Variants in ADGRL4 observed in about 807,000 individuals in gnomAD.
ADGRL4 encodes adhesion G protein-coupled receptor L4.
In ADGRL4, 90 loss-of-function variants were observed where a neutral mutation model predicts 74.8. That is an observed-to-expected ratio of 1.20 (90% CI 1.02 to 1.43). The LOEUF is 1.43. ADGRL4 is among the 40% of genes most tolerant of loss of function. The pLI, the probability that ADGRL4 is intolerant of heterozygous loss-of-function variation, is 0.00. For missense variants in ADGRL4, 881 were observed against 814.3 expected, an observed-to-expected ratio of 1.08 and a Z score of -1.00; for synonymous variants, 311 against 279.2, an observed-to-expected ratio of 1.11 and a Z score of -1.14.
chr1:78,936,269 T>G (rs1649350038), intron 7 of ADGRL4, 26 bp downstream of exon 7: 1 of 1,576,076 alleles, frequency 6.3e-7, no homozygotes, highest in Non-Finnish European at 8.6e-7. Flanking sequence ...ATTGATATAT[T>G]GTCTGTTAGA....
intron 7 of ADGRL4, among the ~76,000 whole-genome samples, chr1:78,928,258 G>C (rs1557500848): frequency 6.6e-6 from 1 of 151,456 alleles, no homozygotes; most frequent in Non-Finnish European, 1.5e-5. Context: ...TTTGACTTTT[G>C]ATAAGGGGTA....
chr1:78,950,353 G>T (rs1279743521), intron 2 of ADGRL4, among the ~76,000 whole-genome samples: 1 of 152,118 alleles, frequency 6.6e-6, no homozygotes, highest in Admixed American at 6.6e-5. Flanking sequence ...TTCAGGGCAA[G>T]AATCTGTGCA....
intron 2 of ADGRL4, among the ~76,000 whole-genome samples, chr1:78,949,750 C>T (rs914701186): frequency 3.3e-5 from 5 of 152,198 alleles, no homozygotes; most frequent in African/African-American, 9.6e-5. Flanking sequence ...AGTTATACTA[C>T]CTAATCCCTG....
Position 78,901,595 on chromosome 1 carries a change from C to T in ADGRL4, c.1750-8406G>A, listed in dbSNP as rs531701560. On this transcript the variant is annotated intron_variant, in intron 12 of 14. Coordinates refer to ENST00000370742, the MANE Select transcript of ADGRL4 (RefSeq NM_022159.4). Reference sequence around the variant, plus strand: ...GTGGATTGAGCCAGCACCTGTTAAACACTTTTTGTTAGTAAAGTAATGGTT... The same window carrying T: ...GTGGATTGAGCCAGCACCTGTTAAATACTTTTTGTTAGTAAAGTAATGGTT... 2.6e-5 allele frequency among the ~76,000 whole-genome samples: 4 copies of T among 152,228 alleles called. No homozygotes were observed. The South Asian group carries it at 8.3e-4, about 32-fold the overall frequency.
intron 12 of ADGRL4, among the ~76,000 whole-genome samples, chr1:78,900,100 C>G (rs1648486915): frequency 6.6e-6 from 1 of 152,060 alleles, no homozygotes; most frequent in African/African-American, 2.4e-5. Context: ...GAAAAGACAC[C>G]AACAGCTGTT....
At chr1:78,912,158 C>T (rs1343601038) in intron 12 of ADGRL4, among the ~76,000 whole-genome samples, 1 of 151,754 alleles carries the variant, frequency 6.6e-6, no homozygotes, top group Non-Finnish European at 1.5e-5. Flanking sequence ...CACAGTGGCA[C>T]TGATTATTGA....
intron 9 of ADGRL4, 57 bp from the exon 10 acceptor site, chr1:78,920,443 A>T (rs976793861): frequency 4.8e-6 from 5 of 1,048,036 alleles, no homozygotes; most frequent in Non-Finnish European, 7.0e-6. Flanking sequence ...TTGTCAAAGG[A>T]ACTACAACAT....
intron 12 of ADGRL4, among the ~76,000 whole-genome samples, chr1:78,895,955 CAG>C (rs2100650754): frequency 6.6e-6 from 1 of 152,172 alleles, no homozygotes; most frequent in South Asian, 2.1e-4. Flanking sequence ...TGAAAGAACA[CAG>C]GAGACTGCAC....
intron 2 of ADGRL4, 102 bp from the exon 3 acceptor site, chr1:78,946,528 GTAT>G: frequency 1.1e-6 from 1 of 944,102 alleles, no homozygotes; most frequent in African/African-American, 1.7e-5. Context: ...ATAGTTTAAG[GTAT>G]GTGATGTTTA....
chr1:78,963,176 C>T (rs1649988056), intron 2 of ADGRL4, among the ~76,000 whole-genome samples: 3 of 152,114 alleles, frequency 2.0e-5, no homozygotes, highest in Non-Finnish European at 4.4e-5. Flanking sequence ...TGATTTCACC[C>T]AGGTATAAAT....
At chr1:78,996,855 A>C (rs1036299829) in intron 2 of ADGRL4, among the ~76,000 whole-genome samples, 5 of 152,230 alleles carry the variant, frequency 3.3e-5, no homozygotes, top group African/African-American at 1.2e-4. Context: ...GTTTCACAGG[A>C]AAAATCAAAT....
intron 12 of ADGRL4, among the ~76,000 whole-genome samples, chr1:78,915,183 A>G (rs755269907): frequency 6.6e-6 from 1 of 151,852 alleles, no homozygotes; most frequent in Non-Finnish European, 1.5e-5. Context: ...ACACTGTATA[A>G]TAATCTTTTC....
At chr1:78,998,699 T>C (rs967241950) in intron 2 of ADGRL4, among the ~76,000 whole-genome samples, 7 of 152,102 alleles carry the variant, frequency 4.6e-5, no homozygotes, top group Non-Finnish European at 7.3e-5. Context: ...ATATATATGA[T>C]TGTTTTGATA....
At chr1:78,903,587 G>A (rs1277714583) in intron 12 of ADGRL4, among the ~76,000 whole-genome samples, 5 of 152,102 alleles carry the variant, frequency 3.3e-5, no homozygotes, top group Admixed American at 6.6e-5. Flanking sequence ...TTCATGAAAT[G>A]TTTAGAAGTT....
intron 2 of ADGRL4, among the ~76,000 whole-genome samples, chr1:78,996,519 T>C (rs563409556): frequency 2.0e-4 from 30 of 152,244 alleles, no homozygotes; most frequent in African/African-American, 7.2e-4. Flanking sequence ...AGATAAGTGG[T>C]CTTCTGTGGT....
intron 2 of ADGRL4, among the ~76,000 whole-genome samples, chr1:78,982,228 C>T (rs6666333): frequency 1 from 151,789 of 152,014 alleles, 75,783 homozygotes; most frequent in Middle Eastern, 1. Flanking sequence ...AGCCATTTTG[C>T]TCACAATTTC....
chr1:78,984,982 G>C (rs1650465073), intron 2 of ADGRL4, among the ~76,000 whole-genome samples: 1 of 151,512 alleles, frequency 6.6e-6, no homozygotes, highest in Non-Finnish European at 1.5e-5. Flanking sequence ...ATCTAAATGA[G>C]TTGTTAAAAA....
chr1:78,912,023 T>C (rs1040138721), intron 12 of ADGRL4, among the ~76,000 whole-genome samples: 1 of 151,782 alleles, frequency 6.6e-6, no homozygotes, highest in Non-Finnish European at 1.5e-5. Flanking sequence ...ACTTCTATAC[T>C]GCAGGGTGAC....
intron 3 of ADGRL4, among the ~76,000 whole-genome samples, chr1:78,940,062 A>C (rs1469375203): frequency 6.6e-6 from 1 of 151,428 alleles, no homozygotes; most frequent in Non-Finnish European, 1.5e-5. Context: ...ATTAATCAAC[A>C]AAGTCATTAC....
Sources: allele counts gnomAD v4.1 joint callset (sites outside exome capture counted in the v4.1 genomes callset), GRCh38; gene constraint gnomAD v4.1.1; transcripts MANE v1.5; gene names NCBI Gene and HGNC (gene_info 2026-07-23, HGNC 2026-07-21).